The following CCND1 variants were observed in gnomAD, a reference collection of about 807,000 sequenced individuals.
CCND1 encodes cyclin D1.
A neutral mutation model predicts 26.1 loss-of-function variants in CCND1; 9 were observed. The observed-to-expected ratio is 0.35, with a 90% CI of 0.21 to 0.60. The LOEUF (loss-of-function observed/expected upper bound fraction) is 0.60. CCND1 is among the 20% of genes least tolerant of loss of function. CCND1 has a pLI of 0.79. For missense variants in CCND1, 335 were observed against 392.9 expected (o/e 0.85, Z 1.25); for synonymous variants, 194 against 166.1 (o/e 1.17, Z -1.29).
chr11:69,641,156 A>G lies in CCND1; in HGVS notation c.-158A>G. The G allele has an allele frequency of 1.4e-6, 1 of 699,940 alleles. No homozygotes were observed. The highest frequency in any genetic ancestry group is 2.5e-6 in the Non-Finnish European group (1 of 403,480). The allele number at this position is 699,940 out of a possible 1,614,324, so 43.4% of individuals were successfully genotyped here. On this transcript the variant is annotated 5_prime_UTR_variant, in exon 1 of 5. Transcript: ENST00000227507. ...GAAGTTGCAAAGTCCTGGAGCCTCC[A>G]GAGGGCTGTCGGCGCAGTAGCAGCG... is the stretch of plus-strand genomic sequence containing the variant.
intron 4 of CCND1, among the ~76,000 whole-genome samples, chr11:69,649,453 T>TCTGC (rs1855828083): frequency 6.6e-6 from 1 of 152,190 alleles, no homozygotes; most frequent in African/African-American, 2.4e-5. Flanking sequence ...CGGAGTCCAC[T>TCTGC]CTGCCTGATC....
At chr11:69,644,763 CCCCCCTGTGACCGCCTCCTTCCCTGG>C (rs1337664611) in intron 3 of CCND1, among the ~76,000 whole-genome samples, 2 of 152,228 alleles carry the variant, frequency 1.3e-5, no homozygotes, top group African/African-American at 2.4e-5. Context: ...CTGCCTCTGA[CCCCCCTGTGACCGCCTCCTTCCCTGG>C]CCCAGGAGGC....
At chr11:69,647,780 G>A (rs561728392) in intron 3 of CCND1, among the ~76,000 whole-genome samples, 11 of 152,304 alleles carry the variant, frequency 7.2e-5, no homozygotes, top group Non-Finnish European at 1.3e-4. Context: ...TGGGGCTGAC[G>A]TTCCAGGAGG....
chr11:69,645,268 T>G (rs1470798808), intron 3 of CCND1, among the ~76,000 whole-genome samples: 1 of 152,170 alleles, frequency 6.6e-6, no homozygotes, highest in Non-Finnish European at 1.5e-5. Flanking sequence ...CAGCCTTTTA[T>G]GGAGCTGAAA....
At chr11:69,647,191 G>GAA (rs34664419) in intron 3 of CCND1, among the ~76,000 whole-genome samples, 5 of 152,362 alleles carry the variant, frequency 3.3e-5, no homozygotes, top group African/African-American at 7.2e-5. Context: ...AGACGGCCCA[G>GAA]AAAAGTGTTT....
At chr11:69,645,884 A>G (rs1220212449) in intron 3 of CCND1, among the ~76,000 whole-genome samples, 1 of 152,174 alleles carries the variant, frequency 6.6e-6, no homozygotes, top group Non-Finnish European at 1.5e-5. Flanking sequence ...TGGGGGTTTC[A>G]GGGCAGGTGC....
intron 1 of CCND1, 39 bp from the exon 2 acceptor site, chr11:69,642,992 G>C (rs915499310): frequency 1.2e-5 from 18 of 1,460,080 alleles, no homozygotes; most frequent in Non-Finnish European, 1.6e-5. Flanking sequence ...GGGGCGGCGC[G>C]ACCTGGCGGC....
At chr11:69,642,525 C>T (rs1352075) in intron 1 of CCND1, among the ~76,000 whole-genome samples, 65,199 of 152,084 alleles carry the variant, frequency 0.43, 15,332 homozygotes, top group East Asian at 0.82. Context: ...GCCCGAGGGT[C>T]ATTTTCAGGG....
Position 69,654,320 on chromosome 11 carries a change from C to A in CCND1, c.*3038C>A, listed in dbSNP as rs145912824. On this transcript the variant is annotated 3_prime_UTR_variant, in exon 5 of 5. Transcript: ENST00000227507. The surrounding 1 kb of genome is among the most constrained non-coding windows in gnomAD (Gnocchi z 6.3). ...GGGCACAGCGGAGTCTGTCCTGTGA[C>A]GCGCAAGTCTGAGGGTCTGGGCGGC... The A allele has an allele frequency of 2.8e-6, 2 of 702,438 alleles. No homozygotes were observed. Among genetic ancestry groups the A allele is most frequent in the South Asian group, 3.0e-5 (2 of 67,604 alleles). 43.5% of individuals were successfully genotyped at this position (702,438 alleles called of 1,614,324 possible).
Position 69,643,815 on chromosome 11 carries a change from T to C in CCND1, c.415-17T>C, listed in dbSNP as rs568878771. Reference sequence around the variant, plus strand: ...GGCCCGCACCTCCCCTGATGGCCGCTCACCCTGTGTTCGCAGCAAATGGAG... The same window carrying C: ...GGCCCGCACCTCCCCTGATGGCCGCCCACCCTGTGTTCGCAGCAAATGGAG... On this transcript the variant is annotated splice_polypyrimidine_tract_variant and intron_variant, in intron 2 of 4. Transcript: ENST00000227507. The C allele has an allele frequency of 1.3e-6, 2 of 1,595,616 alleles. No individual in the cohort carries two copies. Among genetic ancestry groups the C allele is most frequent in the South Asian group, 2.2e-5 (2 of 89,334 alleles).
chr11:69,648,712 G>C (rs544983536), intron 4 of CCND1, among the ~76,000 whole-genome samples: 92 of 50,390 alleles, frequency 1.8e-3, no homozygotes, highest in African/African-American at 3.1e-3. Flanking sequence ...CAATCAAAAG[G>C]GTTTGTGGCA....
At chr11:69,642,622 G>A (rs1855721892) in intron 1 of CCND1, among the ~76,000 whole-genome samples, 1 of 152,094 alleles carries the variant, frequency 6.6e-6, no homozygotes, top group South Asian at 2.1e-4. Context: ...CGGCGGCCTG[G>A]GACGCCACCT....
rs764757265 is a variant in CCND1 at position 69,651,215 on chromosome 11, A to T, written c.821A>T (p.Glu274Val). Residue 274 changes from glutamate to valine, a missense_variant, in exon 5 of 5, where the codon GAG becomes GTG. Transcript: ENST00000227507. ...ATGGACCCCAAGGCCGCCGAGGAGG[A>T]GGAAGAGGAGGAGGAGGAGGTGGAC... ...QNMDPKAAEEEEEEEEEVDLA... is the reference protein window; with the variant it reads ...QNMDPKAAEEVEEEEEEVDLA... The T allele has an allele frequency of 2.5e-6, 4 of 1,604,272 alleles. No homozygotes were observed. The highest frequency in any genetic ancestry group is 1.7e-5 in the Admixed American group (1 of 59,292).
Position 69,651,566 on chromosome 11 carries a change from G to C in CCND1, c.*284G>C. On this transcript the variant is annotated 3_prime_UTR_variant, in exon 5 of 5. Transcript: ENST00000227507. Reference sequence around the variant, plus strand: ...GGGGGAGGAGGGTTGTGCTACAGATGATAGAGGATTTTATACCCCAATAAT... The same window carrying C: ...GGGGGAGGAGGGTTGTGCTACAGATCATAGAGGATTTTATACCCCAATAAT... 1 of 336,256 alleles carries C rather than the reference G, an allele frequency of 3.0e-6. No individual in the cohort carries two copies. The allele number at this position is 336,256 out of a possible 1,614,324, so 20.8% of individuals were successfully genotyped here. A position where few individuals can be genotyped will look rare whatever the true frequency, so the allele number is the denominator to read the frequency against.
chr11:69,642,475 C>A (rs1157343692), intron 1 of CCND1, among the ~76,000 whole-genome samples: 1 of 152,198 alleles, frequency 6.6e-6, no homozygotes, highest in Non-Finnish European at 1.5e-5. Context: ...CCCCCCGGAG[C>A]CTGTAACGAA....
intron 3 of CCND1, 124 bp downstream of exon 3, chr11:69,644,115 T>A: frequency 1.1e-6 from 1 of 893,190 alleles, no homozygotes; most frequent in Non-Finnish European, 1.8e-6. Context: ...CCTCCTGCGC[T>A]GGAGAGCGCT....
chr11:69,645,164 C>T (rs1463048704), intron 3 of CCND1, among the ~76,000 whole-genome samples: 1 of 152,206 alleles, frequency 6.6e-6, no homozygotes, highest in Non-Finnish European at 1.5e-5. Flanking sequence ...GTCGACCAGT[C>T]TGGATGGGTC....
rs1203615889 is a variant in CCND1, at chr11:69,643,871, C to A, written c.454C>A (p.Leu152Met). 1 of 1,613,146 alleles carries A rather than the reference C, an allele frequency of 6.2e-7. No homozygotes were observed. The highest frequency in any genetic ancestry group is 1.7e-5 in the Admixed American group (1 of 60,002). Residue 152 changes from leucine to methionine, a missense_variant, in exon 3 of 5, where the codon CTG (leucine) becomes ATG (methionine). Coordinates refer to ENST00000227507, the MANE Select transcript of CCND1 (RefSeq NM_053056.3). The part of the protein sequence containing the change: ...LLLVNKLKWN[L>M]AAMTPHDFIE... ...CCTGGTGAACAAGCTCAAGTGGAACCTGGCCGCAATGACCCCGCACGATTT... is the reference window on the plus strand; with the variant it reads ...CCTGGTGAACAAGCTCAAGTGGAACATGGCCGCAATGACCCCGCACGATTT...
intron 4 of CCND1, among the ~76,000 whole-genome samples, chr11:69,650,369 A>G (rs1050849949): frequency 1.3e-5 from 2 of 152,228 alleles, no homozygotes; most frequent in African/African-American, 4.8e-5. Flanking sequence ...GTGGCGTTCC[A>G]GATTTCACGG....
Sources: allele counts gnomAD v4.1 joint callset (sites outside exome capture counted in the v4.1 genomes callset), GRCh38; gene constraint gnomAD v4.1.1; non-coding constraint Gnocchi (gnomAD v3.1); transcripts MANE v1.5; gene names NCBI Gene and HGNC (gene_info 2026-07-23, HGNC 2026-07-21).